SYT1: variants seen among roughly 807,000 people sequenced by gnomAD.
The protein encoded by SYT1 is synaptotagmin 1.
A neutral mutation model predicts 44.8 loss-of-function variants in SYT1; 8 were observed. The observed-to-expected ratio is 0.18, with a 90% confidence interval of 0.10 to 0.32. The LOEUF is 0.32. Ranked by LOEUF, SYT1 falls within the 10% of genes least tolerant of loss-of-function variation. The probability of loss-of-function intolerance (pLI) is 1.00; values close to 1 mark genes in which losing one functional copy is unlikely to be tolerated. For synonymous variants in SYT1, 154 were observed against 188.8 expected, an observed-to-expected ratio of 0.82 and a Z score of 1.51; for missense variants, 286 against 509.3, an observed-to-expected ratio of 0.56 and a Z score of 4.22.
At chr12:79,274,586 C>A (rs1191268877) in intron 4 of SYT1, among the ~76,000 whole-genome samples, 3 of 152,196 alleles carry the variant, frequency 2.0e-5, no homozygotes, top group Non-Finnish European at 4.4e-5. Context: ...GCTCACCCAA[C>A]CCCCACACAG....
chr12:78,902,275 T>C (rs1398308194), intron 1 of SYT1, among the ~76,000 whole-genome samples: 1 of 152,044 alleles, frequency 6.6e-6, no homozygotes. Flanking sequence ...ATCTTATGTG[T>C]GTAACTATGC....
At position 79,419,295 on chromosome 12, in the gene SYT1, C is replaced by G. The variant is rs551313568; in HGVS notation, c.929-24778C>G. The G allele has an allele frequency of 1.5e-4, 77 of 521,930 alleles. 1 individual carries two copies. Among genetic ancestry groups the G allele is most frequent in the South Asian group, 1.1e-3 (73 of 69,518 alleles). The allele number at this position is 521,930 out of a possible 1,614,324, so 32.3% of individuals were successfully genotyped here. ...TTGAATTCATTTAGAAAAGAGAATT[C>G]CAAATGAGCTTAATTTCCTTTTTTC... On this transcript the variant is annotated intron_variant, in intron 9 of 10. Coordinates refer to ENST00000261205, the MANE Select transcript of SYT1 (RefSeq NM_005639.3).
At chr12:79,153,277 G>C (rs944736766) in intron 3 of SYT1, among the ~76,000 whole-genome samples, 4 of 152,054 alleles carry the variant, frequency 2.6e-5, no homozygotes, top group African/African-American at 9.7e-5. Context: ...TAATCAATTG[G>C]ATGCCAATCA....
At chr12:79,002,103 T>C (rs965856300) in intron 2 of SYT1, among the ~76,000 whole-genome samples, 2 of 152,102 alleles carry the variant, frequency 1.3e-5, no homozygotes, top group African/African-American at 4.8e-5. Flanking sequence ...TAGGTCCCTT[T>C]TATAAAAAAG....
intron 3 of SYT1, among the ~76,000 whole-genome samples, chr12:79,064,470 T>C (rs1875614855): frequency 6.6e-6 from 1 of 152,186 alleles, no homozygotes; most frequent in Admixed American, 6.5e-5. Context: ...AATGTTTCTC[T>C]TTCCACTAAT....
chr12:79,117,216 A>C (rs1355636060), intron 3 of SYT1, among the ~76,000 whole-genome samples: 5 of 152,118 alleles, frequency 3.3e-5, no homozygotes, highest in Admixed American at 3.3e-4. Flanking sequence ...TAAAATGTAA[A>C]AGGTCTGTTT....
rs538210594 is a variant in SYT1, at chr12:78,878,822, A to AT, written c.-217+13714dup. Among the ~76,000 whole-genome samples the AT allele has an allele frequency of 2.4e-4, 36 of 151,850 alleles. No individual in the cohort carries two copies. In the South Asian group the frequency reaches 4.8e-3, roughly 20 times the overall value. ...GCGGATCAGAGTGTTTGGAGAGTAC[A>AT]TAGGGGAGAGTGTCCTCTGATTTAC... is the stretch of plus-strand genomic sequence containing the variant. On this transcript the variant is annotated intron_variant, in intron 1 of 10. Coordinates refer to ENST00000261205, the MANE Select transcript of SYT1 (RefSeq NM_005639.3).
At chr12:78,900,624 G>A (rs895535804) in intron 1 of SYT1, among the ~76,000 whole-genome samples, 1 of 152,068 alleles carries the variant, frequency 6.6e-6, no homozygotes, top group African/African-American at 2.4e-5. Flanking sequence ...GTGGAGCATG[G>A]AGAACTGGAG....
chr12:79,179,472 G>GATATATCTATATATATATCC (rs1565842310), intron 3 of SYT1, among the ~76,000 whole-genome samples: 3 of 21,262 alleles, frequency 1.4e-4, no homozygotes, highest in African/African-American at 7.6e-4. Context: ...TATAGATATA[G>GATATATCTATATATATATCC]ATATAGAGAT....
At chr12:79,201,403 A>G (rs1041623768) in intron 3 of SYT1, among the ~76,000 whole-genome samples, 1 of 152,194 alleles carries the variant, frequency 6.6e-6, no homozygotes, top group African/African-American at 2.4e-5. Context: ...AAATTGACAA[A>G]AATACTTTCA....
rs386764565 is a variant in SYT1 at position 79,250,724 on chromosome 12, GTGT to G, written c.166+33040_166+33042del. Among the ~76,000 whole-genome samples, 1,197 of 152,260 alleles carry G rather than the reference GTGT, an allele frequency of 7.9e-3. 11 individuals are homozygous for G. The highest frequency in any genetic ancestry group is 0.038 in the Middle Eastern group (11 of 292). ...GGTGGGGGGAACTCAACTTCAACTTGTGTGTTAAGGGGAATTTTTTGTTTGTTG... is the reference window on the plus strand; with the variant it reads ...GGTGGGGGGAACTCAACTTCAACTTGGTTAAGGGGAATTTTTTGTTTGTTG... On this transcript the variant is annotated intron_variant, in intron 4 of 10. Transcript: ENST00000261205.
intron 9 of SYT1, among the ~76,000 whole-genome samples, chr12:79,368,947 G>T (rs1477744974): frequency 6.7e-6 from 1 of 149,728 alleles, no homozygotes; most frequent in Non-Finnish European, 1.5e-5. Context: ...CATTGCTTTT[G>T]GTGTTTTAGA....
chr12:79,244,207 A>G (rs1354490430), intron 4 of SYT1, among the ~76,000 whole-genome samples: 1 of 152,208 alleles, frequency 6.6e-6, no homozygotes, highest in Non-Finnish European at 1.5e-5. Flanking sequence ...GCTTTAATTA[A>G]TACCTTCATC....
At chr12:79,376,171 G>T (rs1453867916) in intron 9 of SYT1, among the ~76,000 whole-genome samples, 2 of 152,186 alleles carry the variant, frequency 1.3e-5, no homozygotes, top group African/African-American at 4.8e-5. Flanking sequence ...GACCCCAAGA[G>T]AGGGTTCTTG....
At chr12:79,066,549 G>C (rs1875875229) in intron 3 of SYT1, among the ~76,000 whole-genome samples, 1 of 151,576 alleles carries the variant, frequency 6.6e-6, no homozygotes, top group South Asian at 2.1e-4. Context: ...AGAGAGAGCA[G>C]AGTCAGTGAG....
intron 3 of SYT1, among the ~76,000 whole-genome samples, chr12:79,072,980 T>A (rs932422332): frequency 6.6e-6 from 1 of 152,150 alleles, no homozygotes; most frequent in Non-Finnish European, 1.5e-5. Flanking sequence ...TTAGTACAAG[T>A]ATGTTCCATG....
chr12:79,193,076 G>A (rs1221080353), intron 3 of SYT1, among the ~76,000 whole-genome samples: 1 of 152,102 alleles, frequency 6.6e-6, no homozygotes, highest in African/African-American at 2.4e-5. Flanking sequence ...GCCTGAAAGA[G>A]TTCCTTAACT....
In SYT1 at chr12:79,235,423, T is replaced by G. The variant is rs79649940; in HGVS notation, c.166+17738T>G. 3.6e-3 allele frequency among the ~76,000 whole-genome samples: 549 copies of G among 152,102 alleles called. 3 individuals carry two copies. Among genetic ancestry groups the G allele is most frequent in the African/African-American group, 0.013 (530 of 41,530 alleles). ...TCTAGAAGAAAATATAGACAATAAT[T>G]TCATGACCTTGATATAGACAAAGAT... On this transcript the variant is annotated intron_variant, in intron 4 of 10. Coordinates refer to ENST00000261205, the MANE Select transcript of SYT1 (RefSeq NM_005639.3).
intron 1 of SYT1, among the ~76,000 whole-genome samples, chr12:78,916,566 C>G (rs1031813576): frequency 6.6e-6 from 1 of 151,826 alleles, no homozygotes; most frequent in Non-Finnish European, 1.5e-5. Flanking sequence ...GATCTGTTCG[C>G]TTGAACCATC....
Sources: gnomAD v4.1 joint callset for allele counts (sites outside exome capture counted in the v4.1 genomes callset) on GRCh38, gnomAD v4.1.1 for gene constraint, MANE v1.5 for transcripts, NCBI Gene and HGNC (gene_info 2026-07-23, HGNC 2026-07-21) for gene names.